Variants in EXT1 observed in about 807,000 individuals in gnomAD.
The protein encoded by EXT1 is exostosin glycosyltransferase 1, also known as exostosin-1.
EXT1 carries 20 observed loss-of-function variants against 82.5 expected under a neutral mutation model. The observed-to-expected ratio is 0.24, with a 90% confidence interval of 0.17 to 0.35. EXT1 has a LOEUF of 0.35. EXT1 is among the 10% of genes least tolerant of loss of function. The pLI is 1.00. For synonymous variants in EXT1, 348 were observed against 350.8 expected (o/e 0.99, Z 0.09); for missense variants, 757 against 936.5 (o/e 0.81, Z 2.50).
chr8:118,054,002 G>T (rs140336925), intron 1 of EXT1, among the ~76,000 whole-genome samples: 28 of 152,156 alleles, frequency 1.8e-4, no homozygotes, highest in Non-Finnish European at 3.1e-4. Flanking sequence ...ATGTGTATGG[G>T]GGTGAAGAAT....
At chr8:118,092,631 A>G (rs1817542004) in intron 1 of EXT1, among the ~76,000 whole-genome samples, 1 of 152,210 alleles carries the variant, frequency 6.6e-6, no homozygotes, top group South Asian at 2.1e-4. Flanking sequence ...AAAATTATAC[A>G]GGGCAAGAGA....
At chr8:117,841,617 C>T (rs1263165636) in intron 1 of EXT1, among the ~76,000 whole-genome samples, 1 of 152,048 alleles carries the variant, frequency 6.6e-6, no homozygotes, top group Admixed American at 6.6e-5. Flanking sequence ...GTTTTGCTAC[C>T]CTTTTCAGAT....
intron 1 of EXT1, among the ~76,000 whole-genome samples, chr8:117,901,307 T>C (rs552375709): frequency 1.4e-4 from 21 of 152,348 alleles, no homozygotes; most frequent in African/African-American, 4.8e-4. Context: ...TGGGCAGTTG[T>C]AACACCATGG....
intron 9 of EXT1, among the ~76,000 whole-genome samples, chr8:117,806,107 T>G (rs1823231976): frequency 6.6e-6 from 1 of 152,162 alleles, no homozygotes; most frequent in Non-Finnish European, 1.5e-5. Flanking sequence ...AATAATCTGA[T>G]CACTACTTAC....
At chr8:118,023,931 G>C (rs1327751655) in intron 1 of EXT1, among the ~76,000 whole-genome samples, 1 of 152,204 alleles carries the variant, frequency 6.6e-6, no homozygotes, top group Admixed American at 6.5e-5. Flanking sequence ...CACACTGCAT[G>C]TGAAGTTCCT....
chr8:118,107,711 C>A (rs17506433), intron 1 of EXT1, among the ~76,000 whole-genome samples: 3,035 of 152,236 alleles, frequency 0.02, 100 homozygotes, highest in African/African-American at 0.069. Flanking sequence ...TTCCAAAAAA[C>A]CAATAATAAA....
intron 1 of EXT1, among the ~76,000 whole-genome samples, chr8:118,085,843 G>A (rs1450621852): frequency 6.6e-6 from 1 of 152,124 alleles, no homozygotes; most frequent in Non-Finnish European, 1.5e-5. Flanking sequence ...GTGTCACTGT[G>A]TATCCTCTGA....
At chr8:117,992,304 T>A (rs1815449887) in intron 1 of EXT1, among the ~76,000 whole-genome samples, 1 of 152,026 alleles carries the variant, frequency 6.6e-6, no homozygotes, top group East Asian at 1.9e-4. Context: ...AAACACATTA[T>A]AAACTCTTCC....
At chr8:118,080,167 G>T (rs1481395490) in intron 1 of EXT1, among the ~76,000 whole-genome samples, 1 of 152,142 alleles carries the variant, frequency 6.6e-6, no homozygotes, top group Non-Finnish European at 1.5e-5. Context: ...TAGAGAAAAT[G>T]GTATGGAGGA....
intron 1 of EXT1, among the ~76,000 whole-genome samples, chr8:117,918,298 T>C (rs1035304371): frequency 6.6e-6 from 1 of 152,188 alleles, no homozygotes; most frequent in Non-Finnish European, 1.5e-5. Context: ...CCAGGTCCTG[T>C]GAGTATCATT....
At chr8:117,885,400 T>C (rs1813128744) in intron 1 of EXT1, among the ~76,000 whole-genome samples, 1 of 148,376 alleles carries the variant, frequency 6.7e-6, no homozygotes, top group Non-Finnish European at 1.5e-5. Flanking sequence ...ATCTAAAGTC[T>C]AAAGTTGTTC....
chr8:117,859,680 G>T (rs1334411651), intron 1 of EXT1, among the ~76,000 whole-genome samples: 1 of 152,102 alleles, frequency 6.6e-6, no homozygotes, highest in African/African-American at 2.4e-5. Context: ...TGTCTATTTT[G>T]TTACTTTGGA....
At chr8:117,835,051 A>G (rs1384482917) in intron 3 of EXT1, among the ~76,000 whole-genome samples, 2 of 152,224 alleles carry the variant, frequency 1.3e-5, no homozygotes, top group Non-Finnish European at 2.9e-5. Context: ...AACAAGCCCT[A>G]GAGACCTCTC....
At chr8:118,047,940 T>C (rs1421887801) in intron 1 of EXT1, among the ~76,000 whole-genome samples, 3 of 151,958 alleles carry the variant, frequency 2.0e-5, no homozygotes, top group Non-Finnish European at 4.4e-5. Flanking sequence ...GCTGGAGAAT[T>C]GCTTGAATCC....
intron 1 of EXT1, among the ~76,000 whole-genome samples, chr8:117,926,875 T>C (rs763532692): frequency 1.1e-4 from 17 of 152,218 alleles, no homozygotes; most frequent in Non-Finnish European, 2.2e-4. Flanking sequence ...TGTCTCTTGG[T>C]TTAAAGGTCT....
intron 1 of EXT1, among the ~76,000 whole-genome samples, chr8:117,973,750 A>G (rs185715607): frequency 7.5e-4 from 114 of 151,474 alleles, no homozygotes; most frequent in African/African-American, 2.6e-3. Flanking sequence ...CCTGAGTGAC[A>G]GAGCAAGACC....
chr8:118,089,342 G>C (rs190141266), intron 1 of EXT1, among the ~76,000 whole-genome samples: 92 of 152,274 alleles, frequency 6.0e-4, no homozygotes, highest in Non-Finnish European at 8.7e-4. Context: ...CTAATCGAAG[G>C]AGCATTTTCA....
chr8:117,918,642 C>A (rs1813798104), intron 1 of EXT1, among the ~76,000 whole-genome samples: 1 of 152,148 alleles, frequency 6.6e-6, no homozygotes, highest in Admixed American at 6.6e-5. Context: ...CCTCTTGGGA[C>A]CCAGCTGCCA....
At chr8:117,881,140 T>A (rs1319427317) in intron 1 of EXT1, among the ~76,000 whole-genome samples, 1 of 152,202 alleles carries the variant, frequency 6.6e-6, no homozygotes, top group African/African-American at 2.4e-5. Context: ...CTATGGTTCA[T>A]GCATTGCCTG....
Sources: gnomAD v4.1 joint callset for allele counts (sites outside exome capture counted in the v4.1 genomes callset) on GRCh38, gnomAD v4.1.1 for gene constraint, MANE v1.5 for transcripts, NCBI Gene and HGNC (gene_info 2026-07-23, HGNC 2026-07-21) for gene names.